The following NFATC3 variants were observed in gnomAD, a reference collection of about 807,000 sequenced individuals.
The protein encoded by NFATC3 is nuclear factor of activated T-cells, cytoplasmic 3.
Under a neutral mutation model 98.6 loss-of-function variants are expected in NFATC3, and 46 were observed. That is an observed-to-expected ratio of 0.47 (90% CI 0.37 to 0.60). The LOEUF is 0.60. Ranked by LOEUF, NFATC3 falls within the 20% of genes least tolerant of loss-of-function variation. The pLI is 0.00. For missense variants in NFATC3, 1,256 were observed against 1,295.5 expected, an observed-to-expected ratio of 0.97 and a Z score of 0.47; for synonymous variants, 512 against 472.2, an observed-to-expected ratio of 1.08 and a Z score of -1.09.
At chr16:68,158,555 G>C (rs1302045230) in intron 4 of NFATC3, among the ~76,000 whole-genome samples, 1 of 152,186 alleles carries the variant, frequency 6.6e-6, no homozygotes, top group Non-Finnish European at 1.5e-5. Flanking sequence ...GATATGCAGT[G>C]GCTTGAACAG....
At chr16:68,114,225 G>A (rs1156987195) in intron 1 of NFATC3, among the ~76,000 whole-genome samples, 1 of 152,144 alleles carries the variant, frequency 6.6e-6, no homozygotes, top group Non-Finnish European at 1.5e-5. Context: ...TCAGGTTGTC[G>A]CTCTACCCTG....
rs757904117 is a variant in NFATC3, at chr16:68,167,006, G to A, written c.1765G>A (p.Val589Ile). 2.1e-5 allele frequency: 34 copies of A among 1,611,286 alleles called. No homozygotes were observed. Among genetic ancestry groups the A allele is most frequent in the Non-Finnish European group, 2.5e-5 (30 of 1,179,046 alleles). ...VLSLQIASIP[V>I]ECSQRSAQEL... ...TTCTCTGCAGATAGCCTCTATACCC[G>A]TTGAGTGCTGTAAGTGAGCTTGTGA... Residue 589 changes from valine (V) to isoleucine (I), a missense_variant, in exon 5 of 10, where the codon GTT (valine) becomes ATT (isoleucine). Around this residue, in one of 3 missense-constraint regions of NFATC3, gnomAD observed 636 missense variants for 617.3 expected, o/e 1.03. Coordinates refer to ENST00000346183, the MANE Select transcript of NFATC3 (RefSeq NM_173165.3).
chr16:68,179,206 A>G (rs1313918348), intron 6 of NFATC3, among the ~76,000 whole-genome samples: 1 of 152,118 alleles, frequency 6.6e-6, no homozygotes, highest in African/African-American at 2.4e-5. Context: ...ACCCCTCCCC[A>G]AGATTAGGTT....
At chr16:68,217,806 T>G in intron 9 of NFATC3, 1 of 1,231,522 alleles carries the variant, frequency 8.1e-7, no homozygotes, top group Non-Finnish European at 1.0e-6. Flanking sequence ...AAGCAAGTGA[T>G]GAGGAAGATA....
chr16:68,123,584 T>G (rs2036664380), intron 2 of NFATC3, among the ~76,000 whole-genome samples: 1 of 151,916 alleles, frequency 6.6e-6, no homozygotes, highest in Admixed American at 6.6e-5. Flanking sequence ...AAGGATTGCT[T>G]GAGCCCAGAA....
In NFATC3 at chr16:68,191,178, A is replaced by G. The variant is rs202171217; in HGVS notation, c.2509A>G (p.Thr837Ala). The stretch of plus-strand genomic sequence containing the variant: ...TTCAGTTTTGTTTCAGCAGGATGCA[A>G]CTCTTTCTGGTTTAGTGAATCTTGG... ...FDSVLFQQDATLSGLVNLGCQ... is the reference protein window; with the variant it reads ...FDSVLFQQDAALSGLVNLGCQ... The change falls in exon 9 of 10, where the codon ACT becomes GCT. Residue 837 changes from threonine to alanine, a missense_variant. Coordinates refer to ENST00000346183, the MANE Select transcript of NFATC3 (RefSeq NM_173165.3). 8.1e-6 allele frequency: 13 copies of G among 1,613,830 alleles called. No individual in the cohort carries two copies. In the African/African-American group the frequency reaches 1.2e-4, roughly 15 times the overall value.
At chr16:68,174,623 G>T in intron 6 of NFATC3, 109 bp downstream of exon 6, 2 of 858,956 alleles carry the variant, frequency 2.3e-6, no homozygotes, top group East Asian at 5.9e-5. Context: ...TAAAGCTATG[G>T]GTGTCATTTT....
At chr16:68,162,106 A>C (rs1485880566) in intron 4 of NFATC3, among the ~76,000 whole-genome samples, 1 of 152,186 alleles carries the variant, frequency 6.6e-6, no homozygotes, top group Non-Finnish European at 1.5e-5. Flanking sequence ...ACCCTACCAC[A>C]CACATACCTA....
rs1421846117 is a variant in NFATC3, at chr16:68,229,161, G to T, written c.*2690G>T. ...TTGTATTTTAAAACCTTTTATGGGAGTGCAGTGCTCCTTACACAAATACAA... is the reference window on the plus strand; with the variant it reads ...TTGTATTTTAAAACCTTTTATGGGATTGCAGTGCTCCTTACACAAATACAA... On this transcript the variant is annotated 3_prime_UTR_variant, in exon 10 of 10. Coordinates refer to ENST00000346183, the MANE Select transcript of NFATC3 (RefSeq NM_173165.3). The T allele has an allele frequency of 6.6e-6, 1 of 152,240 alleles. No homozygotes were observed. Among genetic ancestry groups the T allele is most frequent in the Non-Finnish European group, 1.5e-5 (1 of 68,046 alleles). The allele number at this position is 152,240 out of a possible 1,614,324, so 9.4% of individuals were successfully genotyped here.
chr16:68,156,743 G>A (rs1410911313), intron 3 of NFATC3, among the ~76,000 whole-genome samples: 3 of 151,988 alleles, frequency 2.0e-5, no homozygotes, highest in Non-Finnish European at 4.4e-5. Flanking sequence ...AGTTCAGATC[G>A]CCCTGGCCAG....
At chr16:68,103,412 G>C (rs1368809917) in intron 1 of NFATC3, among the ~76,000 whole-genome samples, 2 of 152,030 alleles carry the variant, frequency 1.3e-5, no homozygotes, top group African/African-American at 4.8e-5. Context: ...ATTTCACCAC[G>C]TTGCCCAGGT....
At chr16:68,166,774 T>C in intron 4 of NFATC3, 69 bp from the exon 5 acceptor site, 5 of 1,222,248 alleles carry the variant, frequency 4.1e-6, no homozygotes, top group Non-Finnish European at 5.5e-6. Context: ...TAACAATTTC[T>C]ATGTAGTTGA....
chr16:68,143,837 G>C (rs1458417783), intron 3 of NFATC3, among the ~76,000 whole-genome samples: 2 of 152,094 alleles, frequency 1.3e-5, no homozygotes. Context: ...GGGCAACAGA[G>C]CGAGACTCCA....
chr16:68,220,468 T>C (rs1008601612), intron 9 of NFATC3, among the ~76,000 whole-genome samples: 5 of 150,694 alleles, frequency 3.3e-5, no homozygotes, highest in Non-Finnish European at 4.4e-5. Flanking sequence ...CTCAAAAAAA[T>C]TGGGGGGAAG....
At chr16:68,165,784 C>T (rs1400539558) in intron 4 of NFATC3, among the ~76,000 whole-genome samples, 1 of 152,216 alleles carries the variant, frequency 6.6e-6, no homozygotes, top group African/African-American at 2.4e-5. Flanking sequence ...AGGGTTGGAA[C>T]TGTTGATAGA....
rs1264685490 is a variant in NFATC3 at position 68,122,351 on chromosome 16, C to G, written c.468C>G (p.Ser156=). 3.7e-6 allele frequency: 6 copies of G among 1,614,118 alleles called. No individual in the cohort carries two copies. The highest frequency in any genetic ancestry group is 2.2e-5 in the South Asian group (2 of 91,074). The change falls in exon 2 of 10, where the codon TCC becomes TCG. Residue 156 remains serine (S), a synonymous_variant. Transcript: ENST00000346183. ...RDHLYLPLEP[S]YRESSLSPSP... is the part of the protein sequence containing the mutation. ...ATCTCTATCTTCCTCTTGAGCCATC[C>G]TACCGGGAGTCTTCTCTTAGTCCTA...
At chr16:68,202,389 A>G (rs2040962934) in intron 9 of NFATC3, among the ~76,000 whole-genome samples, 1 of 152,182 alleles carries the variant, frequency 6.6e-6, no homozygotes. Flanking sequence ...GGAATGATAA[A>G]CACAACATTC....
chr16:68,090,768 T>G (rs888719492), intron 1 of NFATC3, among the ~76,000 whole-genome samples: 1 of 152,178 alleles, frequency 6.6e-6, no homozygotes, highest in Non-Finnish European at 1.5e-5. Context: ...ATGGTGTGTT[T>G]GTACAGCCCA....
chr16:68,183,128 A>G (rs936216415), intron 7 of NFATC3, 112 bp from the exon 8 acceptor site: 23 of 1,084,188 alleles, frequency 2.1e-5, no homozygotes, highest in East Asian at 2.6e-5. Flanking sequence ...GCTGATGTGC[A>G]TAATTATCTA....
Sources: gnomAD v4.1 joint callset for allele counts (sites outside exome capture counted in the v4.1 genomes callset) on GRCh38, gnomAD v4.1.1 for gene constraint, gnomAD v4.1.1 regional missense constraint, MANE v1.5 for transcripts, NCBI Gene and HGNC (gene_info 2026-07-23, HGNC 2026-07-21) for gene names.